The following NOTCH3 variants were observed in gnomAD, a reference collection of about 807,000 sequenced individuals.
NOTCH3 encodes the protein neurogenic locus notch homolog protein 3.
In NOTCH3, 86 loss-of-function variants were observed where a neutral mutation model predicts 213.3. The ratio of observed to expected loss-of-function variants is 0.40; its 90% CI spans 0.34 to 0.48. The LOEUF is 0.48. Among genes scored for constraint, NOTCH3 ranks in the 20% least tolerant of loss-of-function variants. The pLI is 0.57. For synonymous variants in NOTCH3, 1,354 were observed against 1,355.9 expected (o/e 1.00, Z 0.03); for missense variants, 2,783 against 3,272.6 (o/e 0.85, Z 3.65).
Position 15,192,536 on chromosome 19 carries a change from C to G in NOTCH3, c.198-17G>C, listed in dbSNP as rs759256595. On this transcript the variant is annotated splice_polypyrimidine_tract_variant and intron_variant, in intron 2 of 32. Coordinates refer to ENST00000263388, the MANE Select transcript of NOTCH3 (RefSeq NM_000435.3). ...GGCGGGCACCTGTGGGCAGAGATGG[C>G]TTGGTTGGGCAGCACAGGGCAGGAT... 1 of 1,569,260 alleles carries G rather than the reference C, an allele frequency of 6.4e-7. No individual in the cohort carries two copies. Among genetic ancestry groups the G allele is most frequent in the African/African-American group, 1.4e-5 (1 of 73,786 alleles).
At chr19:15,193,110 G>T (rs2046942992) in intron 2 of NOTCH3, among the ~76,000 whole-genome samples, 1 of 152,112 alleles carries the variant, frequency 6.6e-6, no homozygotes, top group Middle Eastern at 3.2e-3. Context: ...GCTGGCAGGG[G>T]GCGGTGAAAG....
chr19:15,170,061 G>A (rs2145399154), intron 28 of NOTCH3, 25 bp downstream of exon 28: 3 of 1,424,640 alleles, frequency 2.1e-6, no homozygotes, highest in South Asian at 1.2e-5. Flanking sequence ...AGAGGAGGGG[G>A]CAAAGGTCAG....
rs140040122 is a variant in NOTCH3 at position 15,185,351 on chromosome 19, G to C, written c.2202C>G (p.Ala734=). The C allele has an allele frequency of 8.1e-6, 13 of 1,612,434 alleles. No individual in the cohort carries two copies. In the Admixed American group the frequency reaches 1.8e-4, roughly 23 times the overall value. The change falls in exon 14 of 33, where the codon GCC becomes GCG. Residue 734 remains alanine (A), a synonymous_variant. Coordinates refer to ENST00000263388, the MANE Select transcript of NOTCH3 (RefSeq NM_000435.3). The surrounding 1 kb of genome is among the most constrained non-coding windows in gnomAD (Gnocchi z 4.2). ...ACGGCTGGGACTCACAGGCGTCTCG[G>C]GCCAGGCTCTGGCTGCAGCGGGGGC... ...WSGPRCSQSL[A]RDACESQPCR...
chr19:15,172,817 C>T (rs2046745462), intron 25 of NOTCH3, among the ~76,000 whole-genome samples: 1 of 151,622 alleles, frequency 6.6e-6, no homozygotes, highest in African/African-American at 2.4e-5. Context: ...AGGCATACAC[C>T]ACCACGCCTG....
rs2046897164 is a variant in NOTCH3, at chr19:15,187,953, C to T, written c.1534G>A (p.Ala512Thr). 1.3e-6 allele frequency: 2 copies of T among 1,550,612 alleles called. No individual in the cohort carries two copies. Among genetic ancestry groups the T allele is most frequent in the Non-Finnish European group, 1.7e-6 (2 of 1,146,974 alleles). The change falls in exon 10 of 33, where the codon GCC (alanine) becomes ACC (threonine). Residue 512 changes from alanine to threonine, a missense_variant. By Grantham distance (58) the Ala-to-Thr change is moderately conservative (BLOSUM62 0). Around this residue, in one of 6 missense-constraint regions of NOTCH3, gnomAD observed 708 missense variants for 906.6 expected, o/e 0.78. Coordinates refer to ENST00000263388, the MANE Select transcript of NOTCH3 (RefSeq NM_000435.3). Reference sequence around the variant, plus strand: ...GCGCCATTCCTGCAGGGCGTGCTGGCGCATTCGTCCACGTCCAGCTGACAC... The same window carrying T: ...GCGCCATTCCTGCAGGGCGTGCTGGTGCATTCGTCCACGTCCAGCTGACAC... ...STCQLDVDEC[A>T]STPCRNGAKC...
Position 15,161,667 on chromosome 19 carries a change from A to T in NOTCH3, c.5961T>A (p.Ala1987=). The T allele has an allele frequency of 6.2e-7, 1 of 1,613,992 alleles. No homozygotes were observed. The highest frequency in any genetic ancestry group is 8.5e-7 in the Non-Finnish European group (1 of 1,179,964). ...CAAAGTGGTCCAACAGCAGCTTGGC[A>T]GCCTCATAGCTGCCCTCGCGGGCGG... ...FLAAREGSYE[A]AKLLLDHFAN... Residue 1987 remains alanine (A), a synonymous_variant, in exon 33 of 33, where the codon GCT becomes GCA. Coordinates refer to ENST00000263388, the MANE Select transcript of NOTCH3 (RefSeq NM_000435.3).
At chr19:15,188,696 T>C (rs529138321) in intron 8 of NOTCH3, among the ~76,000 whole-genome samples, 1 of 148,922 alleles carries the variant, frequency 6.7e-6, no homozygotes, top group East Asian at 2.1e-4. Flanking sequence ...AGGCTTCACC[T>C]TGACCTCACA....
chr19:15,182,521 A>G (rs1390797062), intron 16 of NOTCH3, among the ~76,000 whole-genome samples: 3 of 151,982 alleles, frequency 2.0e-5, no homozygotes, highest in African/African-American at 7.3e-5. Flanking sequence ...AAAAAAAAGG[A>G]AACAATGTAA....
rs5827279 is a variant in NOTCH3, at chr19:15,197,734, G to GCCCCCCCCCCCCCCCCCCCC, written c.119-157_119-156insGGGGGGGGGGGGGGGGGGGG. 4.9e-5 allele frequency among the ~76,000 whole-genome samples: 2 copies of GCCCCCCCCCCCCCCCCCCCC among 41,012 alleles called. 1 individual carries two copies. Among genetic ancestry groups the GCCCCCCCCCCCCCCCCCCCC allele is most frequent in the African/African-American group, 1.3e-4 (2 of 15,130 alleles). The allele number at this position is 41,012 out of a possible 152,430, so 26.9% of individuals were successfully genotyped here. ...GAGTCCCCCCATCCACAGTTCCCAC[G>GCCCCCCCCCCCCCCCCCCCC]CCCCCCCCCCCCCCGCCCCAGCCCC... On this transcript the variant is annotated intron_variant, in intron 1 of 32. Coordinates refer to ENST00000263388, the MANE Select transcript of NOTCH3 (RefSeq NM_000435.3).
chr19:15,177,981 G>A lies in NOTCH3; in HGVS notation c.3947C>T (p.Pro1316Leu), dbSNP rs754962203. ...QTPRGPRCAC[P>L]PGLSGPSCRS... is the part of the protein sequence containing the mutation. ...GCAGGAGGGTCCCGACAACCCTGGG[G>A]GGCAGGCGCAGCGCGGCCCGCGGGG... The change falls in exon 24 of 33, where the codon CCC becomes CTC. Residue 1316 changes from proline (P) to leucine (L), a missense_variant. By Grantham distance (98) the Pro-to-Leu change is moderately conservative (BLOSUM62 -3). Coordinates refer to ENST00000263388, the MANE Select transcript of NOTCH3 (RefSeq NM_000435.3). 19 of 1,428,180 alleles carry A rather than the reference G, an allele frequency of 1.3e-5. No individual in the cohort carries two copies. In the South Asian group the frequency reaches 2.5e-4, roughly 19 times the overall value. 88.5% of individuals were successfully genotyped at this position (1,428,180 alleles called of 1,614,324 possible).
chr19:15,197,331 C>T (rs1266341100), intron 2 of NOTCH3, among the ~76,000 whole-genome samples, 169 bp downstream of exon 2: 1 of 152,128 alleles, frequency 6.6e-6, no homozygotes, highest in East Asian at 1.9e-4. Context: ...AGTGCAGAGC[C>T]CCTGCTCAGT....
intron 2 of NOTCH3, 59 bp downstream of exon 2, chr19:15,197,441 G>GCGCCAC: frequency 1.3e-6 from 1 of 768,362 alleles, no homozygotes; most frequent in Non-Finnish European, 2.3e-6. Flanking sequence ...AAGACAAATC[G>GCGCCAC]CCCCTCCCCC....
In NOTCH3 at chr19:15,160,053, C is replaced by T. The variant is rs1804976; in HGVS notation, c.*609G>A. ...GGGGAGGAGGCTCCCAACACTCCCC[C>T]GACCCCTGGCCCCAGTGGGTGCGCC... On this transcript the variant is annotated 3_prime_UTR_variant, in exon 33 of 33. Transcript: ENST00000263388. 2.1e-5 allele frequency: 5 copies of T among 234,072 alleles called. No homozygotes were observed. The highest frequency in any genetic ancestry group is 1.2e-4 in the East Asian group (2 of 16,594). 14.5% of individuals were successfully genotyped at this position (234,072 alleles called of 1,614,324 possible).
intron 17 of NOTCH3, 103 bp from the exon 18 acceptor site, chr19:15,181,265 G>T: frequency 9.3e-7 from 1 of 1,077,150 alleles, no homozygotes; most frequent in Non-Finnish European, 1.4e-6. Flanking sequence ...CCCACTCCCT[G>T]ACCCTTATCT....
intron 24 of NOTCH3, 76 bp downstream of exon 24, chr19:15,177,449 A>G (rs1046302136): frequency 2.2e-6 from 3 of 1,381,250 alleles, no homozygotes; most frequent in East Asian, 2.5e-5. Flanking sequence ...GCAGGTGGAA[A>G]GAGAGGCAGG....
intron 32 of NOTCH3, 165 bp downstream of exon 32, chr19:15,162,300 G>A (rs1390887319): frequency 1.6e-6 from 1 of 644,274 alleles, no homozygotes; most frequent in Non-Finnish European, 2.7e-6. Context: ...CAAAATTTAA[G>A]GGGCCCCCAA....
Position 15,161,122 on chromosome 19 carries a change from G to A in NOTCH3, c.6506C>T (p.Pro2169Leu). 6.5e-7 allele frequency: 1 copy of A among 1,539,954 alleles called. No homozygotes were observed. Among genetic ancestry groups the A allele is most frequent in the Non-Finnish European group, 8.7e-7 (1 of 1,148,894 alleles). The change falls in exon 33 of 33, where the codon CCC becomes CTC. Residue 2169 changes from proline to leucine, a missense_variant. By Grantham distance (98) the Pro-to-Leu change is moderately conservative (BLOSUM62 -3). Coordinates refer to ENST00000263388, the MANE Select transcript of NOTCH3 (RefSeq NM_000435.3). The stretch of plus-strand genomic sequence containing the variant: ...TGGGGGCAGCCGGGCCCAATCGAGG[G>A]GCACAGCCACAGGGTTCAGCAGGCC... ...SLGLLNPVAV[P>L]LDWARLPPPA...
chr19:15,165,906 C>T lies in NOTCH3; in HGVS notation c.5548G>A (p.Ala1850Thr), dbSNP rs756939819. ...ETALHLAARY[A>T]RADAAKRLLD... The stretch of plus-strand genomic sequence containing the variant: ...AGCCGCTTGGCTGCATCAGCACGGG[C>T]ATAACGGGCAGCCAGGTGCAAAGCA... The change falls in exon 30 of 33, where the codon GCC becomes ACC. Residue 1850 changes from alanine (A) to threonine (T), a missense_variant. Coordinates refer to ENST00000263388, the MANE Select transcript of NOTCH3 (RefSeq NM_000435.3). The surrounding 1 kb of genome is among the most constrained non-coding windows in gnomAD (Gnocchi z 4.7). The T allele has an allele frequency of 6.2e-6, 10 of 1,614,028 alleles. No homozygotes were observed. In the East Asian group the frequency reaches 1.8e-4, roughly 29 times the overall value.
Position 15,191,567 on chromosome 19 carries a change from T to C in NOTCH3, c.893A>G (p.His298Arg). The change falls in exon 6 of 33, where the codon CAC becomes CGC. Residue 298 changes from histidine (H) to arginine (R), a missense_variant. Physicochemically the swap from His to Arg is conservative, Grantham distance 29. Transcript: ENST00000263388. ...CCAGCCATTGACACACACGCAGCTG[T>C]GGCCACCCAGCGTGTTGAAGCAGGT... ...GGTCFNTLGG[H>R]SCVCVNGWTG... 6.2e-7 allele frequency: 1 copy of C among 1,613,678 alleles called. No homozygotes were observed. The highest frequency in any genetic ancestry group is 8.5e-7 in the Non-Finnish European group (1 of 1,180,040).
Sources: allele counts gnomAD v4.1 joint callset (sites outside exome capture counted in the v4.1 genomes callset), GRCh38; gene constraint gnomAD v4.1.1; regional missense constraint gnomAD v4.1.1; non-coding constraint Gnocchi (gnomAD v3.1); transcripts MANE v1.5; gene names NCBI Gene and HGNC (gene_info 2026-07-23, HGNC 2026-07-21).